The following COL17A1 variants were observed in gnomAD, a reference collection of about 807,000 sequenced individuals.
COL17A1 encodes the protein collagen alpha-1(XVII) chain.
A neutral mutation model predicts 218.4 loss-of-function variants in COL17A1; 181 were observed. The observed-to-expected ratio is 0.83, with a 90% CI of 0.73 to 0.94. The LOEUF is 0.94. COL17A1 is among the 40% of genes least tolerant of loss of function. The pLI, the probability that COL17A1 is intolerant of heterozygous loss-of-function variation, is 0.00. For synonymous variants in COL17A1, 721 were observed against 731.0 expected (o/e 0.99, Z 0.22); for missense variants, 1,924 against 1,945.9 (o/e 0.99, Z 0.21).
At chr10:104,068,730 A>G (rs936668098) in intron 9 of COL17A1, among the ~76,000 whole-genome samples, 1 of 152,266 alleles carries the variant, frequency 6.6e-6, no homozygotes, top group African/African-American at 2.4e-5. Context: ...AGGCAAAACT[A>G]TAGAAGCTGT....
intron 21 of COL17A1, 36 bp from the exon 22 acceptor site, chr10:104,054,018 C>T: frequency 4.3e-6 from 7 of 1,612,654 alleles, no homozygotes; most frequent in African/African-American, 2.7e-5. Flanking sequence ...CCCCTGTTTT[C>T]CTCCCAGAAG....
intron 40 of COL17A1, 78 bp downstream of exon 40, chr10:104,040,273 A>G: frequency 8.9e-7 from 1 of 1,129,588 alleles, no homozygotes; most frequent in South Asian, 1.2e-5. Flanking sequence ...ATTCAGCTTC[A>G]TCCAAACCCT....
chr10:104,046,826 G>A (rs915016364), intron 31 of COL17A1, 53 bp from the exon 32 acceptor site: 3 of 1,571,968 alleles, frequency 1.9e-6, no homozygotes, highest in Non-Finnish European at 2.6e-6. Context: ...GGCCATCCCT[G>A]GTAGCCACAC....
chr10:104,063,090 C>T (rs1173856822), intron 11 of COL17A1, among the ~76,000 whole-genome samples: 1 of 152,190 alleles, frequency 6.6e-6, no homozygotes, highest in African/African-American at 2.4e-5. Context: ...GAATGCAAAA[C>T]TTGTACTTGC....
intron 23 of COL17A1, 56 bp downstream of exon 23, chr10:104,052,975 A>C: frequency 1.9e-6 from 3 of 1,588,534 alleles, no homozygotes; most frequent in Non-Finnish European, 2.6e-6. Context: ...GGGTGTTGAC[A>C]GAGAGAAGGA....
intron 32 of COL17A1, 54 bp downstream of exon 32, chr10:104,046,693 A>T: frequency 6.3e-7 from 1 of 1,583,314 alleles, no homozygotes; most frequent in Non-Finnish European, 8.7e-7. Flanking sequence ...TGGCCCAAGC[A>T]GTTACCCCAG....
chr10:104,044,550 A>G (rs2086390964), intron 33 of COL17A1, among the ~76,000 whole-genome samples: 1 of 152,188 alleles, frequency 6.6e-6, no homozygotes, highest in Non-Finnish European at 1.5e-5. Flanking sequence ...TTAGCAATTC[A>G]GTCATTCACA....
rs757429937 is a variant in COL17A1, at chr10:104,034,693, A to C, written c.3694T>G (p.Ser1232Ala). ...GCTGCATAGGTTGCCAGGGCTCCTGAGACACCCGGGGGCCCTCGAGGCCCT... is the reference window on the plus strand; with the variant it reads ...GCTGCATAGGTTGCCAGGGCTCCTGCGACACCCGGGGGCCCTCGAGGCCCT... ...PPGPRGPPGVSGALATYAAEN... is the reference protein window; with the variant it reads ...PPGPRGPPGVAGALATYAAEN... The change falls in exon 51 of 56, where the codon TCA becomes GCA. Residue 1232 changes from serine to alanine, a missense_variant. Physicochemically the swap from Ser to Ala is moderately conservative, Grantham distance 99 (BLOSUM62 1). Coordinates refer to ENST00000648076, the MANE Select transcript of COL17A1 (RefSeq NM_000494.4). 2 of 1,610,472 alleles carry C rather than the reference A, an allele frequency of 1.2e-6. No individual in the cohort carries two copies. Among genetic ancestry groups the C allele is most frequent in the Non-Finnish European group, 8.5e-7 (1 of 1,178,836 alleles).
At chr10:104,039,694 C>G in intron 41 of COL17A1, 54 bp from the exon 42 acceptor site, 2 of 1,606,768 alleles carry the variant, frequency 1.2e-6, no homozygotes, top group Non-Finnish European at 1.7e-6. Context: ...CACCCACTAA[C>G]AGCCCTGTAG....
chr10:104,076,360 G>C lies in COL17A1; in HGVS notation c.272C>G (p.Pro91Arg). ...RRAHSPASTL[P>R]NSPGSTFERK... ...TTCAAAGGTTGAGCCTGGGGAGTTG[G>C]GCAGAGTGGAGGCAGGTGAGTGAGC... The change falls in exon 5 of 56, where the codon CCC (proline) becomes CGC (arginine). Residue 91 changes from proline (P) to arginine (R), a missense_variant. By Grantham distance (103) the Pro-to-Arg change is moderately radical. Coordinates refer to ENST00000648076, the MANE Select transcript of COL17A1 (RefSeq NM_000494.4). 1 of 1,614,206 alleles carries C rather than the reference G, an allele frequency of 6.2e-7. No individual in the cohort carries two copies.
At chr10:104,053,177 C>T (rs1205521100) in intron 22 of COL17A1, 42 bp from the exon 23 acceptor site, 2 of 1,602,504 alleles carry the variant, frequency 1.2e-6, no homozygotes, top group Admixed American at 1.7e-5. Context: ...GGATCCCGTA[C>T]CCCAGCTAAC....
intron 23 of COL17A1, 93 bp downstream of exon 23, chr10:104,052,938 G>T: frequency 6.9e-7 from 1 of 1,453,670 alleles, no homozygotes; most frequent in Non-Finnish European, 9.6e-7. Flanking sequence ...GAAGGGGGGA[G>T]AAACAGAGAC....
chr10:104,034,887 G>A lies in COL17A1; in HGVS notation c.3620-120C>T, dbSNP rs74154721. 1.3e-4 allele frequency: 158 copies of A among 1,240,778 alleles called. No homozygotes were observed. The African/African-American group carries it at 1.9e-3, about 15-fold the overall frequency. 76.9% of individuals were successfully genotyped at this position (1,240,778 alleles called of 1,614,324 possible). ...AGGAGGGGATGAGGCTGGGCCTCCC[G>A]GGTGATGGGAGGAGAGAAAAGCAGG... is the stretch of plus-strand genomic sequence containing the variant. On this transcript the variant is annotated intron_variant, in intron 50 of 55. Transcript: ENST00000648076.
chr10:104,071,806 G>C (rs2086671057), intron 8 of COL17A1, among the ~76,000 whole-genome samples: 1 of 152,094 alleles, frequency 6.6e-6, no homozygotes, highest in African/African-American at 2.4e-5. Flanking sequence ...ATTAGTCTGT[G>C]AACTACTACA....
intron 34 of COL17A1, 97 bp downstream of exon 34, chr10:104,043,728 A>T (rs1250500120): frequency 9.7e-6 from 15 of 1,552,926 alleles, no homozygotes; most frequent in South Asian, 6.7e-5. Context: ...GATCCAAAAA[A>T]CTCCCAGCCA....
intron 1 of COL17A1, among the ~76,000 whole-genome samples, chr10:104,084,826 A>G (rs1426501668): frequency 6.6e-6 from 1 of 152,212 alleles, no homozygotes; most frequent in Non-Finnish European, 1.5e-5. Context: ...GTAAGAAGAA[A>G]CTATTCTGCT....
intron 11 of COL17A1, chr10:104,063,528 G>A: frequency 1.5e-6 from 1 of 664,296 alleles, no homozygotes; most frequent in South Asian, 1.7e-5. Context: ...CGCCACCTTA[G>A]AATACGCACG....
chr10:104,038,088 C>T (rs1313692749), intron 45 of COL17A1, among the ~76,000 whole-genome samples: 1 of 152,136 alleles, frequency 6.6e-6, no homozygotes, highest in African/African-American at 2.4e-5. Flanking sequence ...GGGATGAGCA[C>T]GTGCGCCAGC....
Position 104,059,848 on chromosome 10 carries a change from C to T in COL17A1, c.1142-130G>A, listed in dbSNP as rs535867216. 367 of 1,083,146 alleles carry T rather than the reference C, an allele frequency of 3.4e-4. 1 individual carries two copies. The highest frequency in any genetic ancestry group is 4.5e-4 in the Non-Finnish European group (326 of 724,222). 67.1% of individuals were successfully genotyped at this position (1,083,146 alleles called of 1,614,324 possible). On this transcript the variant is annotated intron_variant, in intron 14 of 55. Transcript: ENST00000648076. ...GGTTAGACTGGTAAGAAGAGCCCCTCTTTCCTGGGGTTCATCTCCCCTGAT... is the reference window on the plus strand; with the variant it reads ...GGTTAGACTGGTAAGAAGAGCCCCTTTTTCCTGGGGTTCATCTCCCCTGAT...
Sources: gnomAD v4.1 joint callset for allele counts (sites outside exome capture counted in the v4.1 genomes callset) on GRCh38, gnomAD v4.1.1 for gene constraint, MANE v1.5 for transcripts, NCBI Gene and HGNC (gene_info 2026-07-23, HGNC 2026-07-21) for gene names.